The following PHLPP2 variants were observed in gnomAD, a reference collection of about 807,000 sequenced individuals.
PHLPP2 encodes PH domain and leucine rich repeat protein phosphatase 2.
A neutral mutation model predicts 124.9 loss-of-function variants in PHLPP2; 66 were observed. The ratio of observed to expected loss-of-function variants is 0.53; its 90% CI spans 0.43 to 0.65. PHLPP2 has a LOEUF of 0.65. Among genes scored for constraint, PHLPP2 ranks in the 30% least tolerant of loss-of-function variants. The pLI, the probability that PHLPP2 is intolerant of heterozygous loss-of-function variation, is 0.00. For synonymous variants in PHLPP2, 681 were observed against 624.7 expected, an observed-to-expected ratio of 1.09 and a Z score of -1.34; for missense variants, 1,685 against 1,600.4, an observed-to-expected ratio of 1.05 and a Z score of -0.90.
chr16:71,659,422 T>C (rs2044770208), intron 13 of PHLPP2, among the ~76,000 whole-genome samples: 1 of 151,972 alleles, frequency 6.6e-6, no homozygotes, highest in Admixed American at 6.6e-5. Context: ...CGGCTAATTG[T>C]GTATTTTTAG....
intron 13 of PHLPP2, among the ~76,000 whole-genome samples, chr16:71,662,144 G>C (rs1223730348): frequency 3.3e-5 from 5 of 151,766 alleles, no homozygotes; most frequent in African/African-American, 4.8e-5. Flanking sequence ...AGGTTAGTCG[G>C]GTGCGGGCCG....
intron 1 of PHLPP2, among the ~76,000 whole-genome samples, chr16:71,720,796 G>A (rs1295015347): frequency 2.0e-5 from 3 of 151,468 alleles, no homozygotes; most frequent in Non-Finnish European, 4.4e-5. Flanking sequence ...CCCGGGAGGC[G>A]GTGAGCCAAG....
chr16:71,660,925 G>A (rs1567614099), intron 13 of PHLPP2, among the ~76,000 whole-genome samples: 1 of 152,020 alleles, frequency 6.6e-6, no homozygotes, highest in Non-Finnish European at 1.5e-5. Flanking sequence ...TTACAACACT[G>A]CTCAGGAAAT....
chr16:71,690,806 T>C (rs930255935), intron 3 of PHLPP2, 97 bp from the exon 4 acceptor site: 49 of 770,334 alleles, frequency 6.4e-5, no homozygotes, highest in Non-Finnish European at 6.3e-6. Context: ...TCAACAACCT[T>C]ATTTATAGAT....
intron 3 of PHLPP2, among the ~76,000 whole-genome samples, chr16:71,697,848 A>ATTT (rs142040816): frequency 9.2e-5 from 11 of 119,034 alleles, no homozygotes; most frequent in East Asian, 2.4e-4. Flanking sequence ...AGGAAGTAGG[A>ATTT]TTTTTTTTTT....
chr16:71,668,370 C>T (rs1448005401), intron 11 of PHLPP2, among the ~76,000 whole-genome samples: 7 of 136,744 alleles, frequency 5.1e-5, no homozygotes, highest in Non-Finnish European at 1.1e-4. Flanking sequence ...GAGCCGAGAT[C>T]GCGCCACTGC....
chr16:71,693,129 A>C lies in PHLPP2; in HGVS notation c.419-2420T>G, dbSNP rs540715324. 8.5e-5 allele frequency among the ~76,000 whole-genome samples: 13 copies of C among 152,290 alleles called. No homozygotes were observed. The East Asian group carries it at 2.5e-3, about 29-fold the overall frequency. ...CATGGAAACCCCATCTCTACTAAAAATACAAAAATTAGCCAGGCATGGTGG... is the reference window on the plus strand; with the variant it reads ...CATGGAAACCCCATCTCTACTAAAACTACAAAAATTAGCCAGGCATGGTGG... On this transcript the variant is annotated intron_variant, in intron 3 of 18. Coordinates refer to ENST00000568954, the MANE Select transcript of PHLPP2 (RefSeq NM_015020.3).
At chr16:71,672,425 TG>T (rs2044903247) in intron 9 of PHLPP2, 103 bp from the exon 10 acceptor site, 1 of 810,264 alleles carries the variant, frequency 1.2e-6, no homozygotes, top group Non-Finnish European at 2.1e-6. Flanking sequence ...GAGAGAAAAC[TG>T]ATGTATTCTA....
Position 71,676,435 on chromosome 16 carries a change from G to A in PHLPP2, c.1471+12C>T. 1 of 1,609,276 alleles carries A rather than the reference G, an allele frequency of 6.2e-7. No individual in the cohort carries two copies. Among genetic ancestry groups the A allele is most frequent in the Non-Finnish European group, 8.5e-7 (1 of 1,175,676 alleles). Reference sequence around the variant, plus strand: ...GAAAGAGAAAAAACAAAAGGCTGCAGAGAAAACTCACTGTTGGAACTGGCA... The same window carrying A: ...GAAAGAGAAAAAACAAAAGGCTGCAAAGAAAACTCACTGTTGGAACTGGCA... On this transcript the variant is annotated intron_variant, in intron 9 of 18. Coordinates refer to ENST00000568954, the MANE Select transcript of PHLPP2 (RefSeq NM_015020.3).
At chr16:71,686,123 A>T (rs1381865976) in intron 4 of PHLPP2, among the ~76,000 whole-genome samples, 1 of 152,194 alleles carries the variant, frequency 6.6e-6, no homozygotes, top group African/African-American at 2.4e-5. Context: ...CACACAAAAA[A>T]GTCCTTTTGG....
At chr16:71,717,312 T>G (rs2045369871) in intron 1 of PHLPP2, among the ~76,000 whole-genome samples, 1 of 152,192 alleles carries the variant, frequency 6.6e-6, no homozygotes, top group Admixed American at 6.5e-5. Flanking sequence ...GGTATTTCTA[T>G]GTGGGAAAAA....
rs575941049 is a variant in PHLPP2 at position 71,655,780 on chromosome 16, G to A, written c.2391-346C>T. Among the ~76,000 whole-genome samples the A allele has an allele frequency of 1.6e-4, 25 of 152,106 alleles. No homozygotes were observed. The East Asian group carries it at 1.7e-3, about 11-fold the overall frequency. On this transcript the variant is annotated intron_variant, in intron 16 of 18. Coordinates refer to ENST00000568954, the MANE Select transcript of PHLPP2 (RefSeq NM_015020.3). The stretch of plus-strand genomic sequence containing the variant: ...CCTGGGATTACAGGTGTGAGCCACC[G>A]CGCCTGGCCAGGAGCATTCTTTTAA...
At position 71,681,858 on chromosome 16, in the gene PHLPP2, G is replaced by A. The variant is rs773235144; in HGVS notation, c.783C>T (p.Leu261=). The A allele has an allele frequency of 8.9e-5, 143 of 1,613,572 alleles. No homozygotes were observed. Among genetic ancestry groups the A allele is most frequent in the South Asian group, 1.5e-4 (14 of 91,012 alleles). ...ISTVDLSCYS[L]EEVPEHLFYS... ...AGAAGAGATGCTCAGGAACCTCCTCGAGGCTGTAACACGAGAGATCCACGG... is the reference window on the plus strand; with the variant it reads ...AGAAGAGATGCTCAGGAACCTCCTCAAGGCTGTAACACGAGAGATCCACGG... The change falls in exon 6 of 19, where the codon CTC becomes CTT. Residue 261 remains leucine (L), a synonymous_variant. Coordinates refer to ENST00000568954, the MANE Select transcript of PHLPP2 (RefSeq NM_015020.3).
intron 6 of PHLPP2, among the ~76,000 whole-genome samples, chr16:71,681,333 C>T (rs547494694): frequency 5.3e-5 from 8 of 152,244 alleles, no homozygotes; most frequent in South Asian, 2.1e-4. Context: ...GCTGACTAAA[C>T]GCATAAGAGT....
In PHLPP2 at chr16:71,648,783, CAAAA is replaced by C; in HGVS notation, c.*103_*106del. On this transcript the variant is annotated 3_prime_UTR_variant, in exon 19 of 19. Coordinates refer to ENST00000568954, the MANE Select transcript of PHLPP2 (RefSeq NM_015020.3). The stretch of plus-strand genomic sequence containing the variant: ...AAGACTCCGTCTCAAAACAAACAAA[CAAAA>C]AAAAAACGAACAAACAAAAAGAAAT... 1.4e-6 allele frequency: 1 copy of C among 734,130 alleles called. No homozygotes were observed. Among genetic ancestry groups the C allele is most frequent in the Non-Finnish European group, 2.1e-6 (1 of 468,374 alleles). 45.5% of individuals were successfully genotyped at this position (734,130 alleles called of 1,614,324 possible). A position where few individuals can be genotyped will look rare whatever the true frequency, so the allele number is the denominator to read the frequency against.
intron 3 of PHLPP2, among the ~76,000 whole-genome samples, chr16:71,692,555 C>T (rs1451703395): frequency 6.6e-6 from 1 of 152,164 alleles, no homozygotes; most frequent in Non-Finnish European, 1.5e-5. Context: ...TATTAATACA[C>T]TATACAGGAT....
intron 2 of PHLPP2, among the ~76,000 whole-genome samples, chr16:71,710,675 C>T (rs1374832732): frequency 6.6e-6 from 1 of 152,198 alleles, no homozygotes; most frequent in Non-Finnish European, 1.5e-5. Context: ...TCAGGCTCCA[C>T]CTAAACCTAC....
At chr16:71,692,934 G>A (rs953905404) in intron 3 of PHLPP2, among the ~76,000 whole-genome samples, 1 of 151,922 alleles carries the variant, frequency 6.6e-6, no homozygotes, top group African/African-American at 2.4e-5. Context: ...ATATTCCTAA[G>A]TTCTAGTTCC....
intron 10 of PHLPP2, among the ~76,000 whole-genome samples, chr16:71,669,823 A>G (rs1383603076): frequency 6.6e-6 from 1 of 152,216 alleles, no homozygotes; most frequent in Non-Finnish European, 1.5e-5. Context: ...CTAGTGGGGG[A>G]AAAGTTTCAA....
Sources: allele counts gnomAD v4.1 joint callset (sites outside exome capture counted in the v4.1 genomes callset), GRCh38; gene constraint gnomAD v4.1.1; transcripts MANE v1.5; gene names NCBI Gene and HGNC (gene_info 2026-07-23, HGNC 2026-07-21).